WLS: variants seen among roughly 807,000 people sequenced by gnomAD.
WLS encodes protein wntless homolog.
A neutral mutation model predicts 62.8 loss-of-function variants in WLS; 23 were observed. The observed-to-expected ratio is 0.37, with a 90% CI of 0.26 to 0.52. The LOEUF (loss-of-function observed/expected upper bound fraction) is 0.52. Ranked by LOEUF, WLS falls within the 20% of genes least tolerant of loss-of-function variation. The pLI, the probability that WLS is intolerant of heterozygous loss-of-function variation, is 0.92. For synonymous variants in WLS, 246 were observed against 244.1 expected (o/e 1.01, Z -0.07); for missense variants, 615 against 697.3 (o/e 0.88, Z 1.33).
At chr1:68,129,850 G>A (rs1325638784) in intron 11 of WLS, among the ~76,000 whole-genome samples, 12 of 152,200 alleles carry the variant, frequency 7.9e-5, no homozygotes, top group African/African-American at 2.9e-4. Flanking sequence ...TGTGATATGT[G>A]TCTTGGGGTG....
At chr1:68,202,626 C>T (rs1248146437) in intron 1 of WLS, 2 of 152,192 alleles carry the variant, frequency 1.3e-5, no homozygotes, top group African/African-American at 2.4e-5. Context: ...GCTCATTGCT[C>T]GGCTGGCCAG....
At chr1:68,174,922 G>A (rs1218792729) in intron 2 of WLS, among the ~76,000 whole-genome samples, 2 of 152,166 alleles carry the variant, frequency 1.3e-5, no homozygotes, top group African/African-American at 4.8e-5. Context: ...AGTAAGATAA[G>A]GGCTGTGTTA....
chr1:68,189,450 C>T (rs1338194424), intron 2 of WLS, among the ~76,000 whole-genome samples: 1 of 151,882 alleles, frequency 6.6e-6, no homozygotes, highest in Non-Finnish European at 1.5e-5. Flanking sequence ...TTTACTGCAC[C>T]TAATTTATAA....
chr1:68,224,433 A>G (rs190992391), intron 1 of WLS, among the ~76,000 whole-genome samples: 4 of 151,932 alleles, frequency 2.6e-5, no homozygotes, highest in African/African-American at 7.2e-5. Context: ...TCCTCATTAC[A>G]CTCCCATTTC....
chr1:68,199,471 G>A lies in WLS; in HGVS notation c.107-5244C>T, dbSNP rs1000365411. Among the ~76,000 whole-genome samples the A allele has an allele frequency of 6.6e-5, 10 of 152,276 alleles. 2 individuals are homozygous for A. The highest frequency in any genetic ancestry group is 3.9e-4 in the Admixed American group (6 of 15,296). On this transcript the variant is annotated intron_variant, in intron 1 of 11. Coordinates refer to ENST00000262348, the MANE Select transcript of WLS (RefSeq NM_024911.7). ...GGGAGAATGGGGGATGGCCAAGGAG[G>A]GAAGGTGCTGAGGTAGAGATAGAAC...
At chr1:68,193,565 AAAAAT>A (rs2100604240) in intron 2 of WLS, among the ~76,000 whole-genome samples, 1 of 152,168 alleles carries the variant, frequency 6.6e-6, no homozygotes, top group East Asian at 1.9e-4. Flanking sequence ...ACATTTAAAA[AAAAAT>A]AAAAACCTTT....
intron 1 of WLS, among the ~76,000 whole-genome samples, chr1:68,229,038 A>G (rs997875745): frequency 7.4e-5 from 11 of 148,356 alleles, no homozygotes; most frequent in East Asian, 4.6e-4. Flanking sequence ...CTACAACGAA[A>G]CAACAGCCTA....
At chr1:68,132,952 G>T (rs1277437091) in intron 11 of WLS, among the ~76,000 whole-genome samples, 2 of 152,098 alleles carry the variant, frequency 1.3e-5, no homozygotes, top group Non-Finnish European at 2.9e-5. Context: ...ATTCACTTTA[G>T]CCTGCTGCAA....
intron 11 of WLS, among the ~76,000 whole-genome samples, chr1:68,128,048 T>C (rs1007364751): frequency 5.9e-5 from 9 of 152,200 alleles, no homozygotes; most frequent in East Asian, 1.9e-4. Flanking sequence ...AGCAGACTCA[T>C]TGGCTGCTGC....
intron 2 of WLS, chr1:68,162,136 G>C: frequency 6.6e-7 from 1 of 1,504,416 alleles, no homozygotes; most frequent in South Asian, 1.1e-5. Flanking sequence ...AGTGTGAGGA[G>C]TGCAGATAAG....
chr1:68,166,826 T>A lies in WLS; in HGVS notation c.380-7579A>T, dbSNP rs117950398. ...GTGCAATCTGAAGCAGAGGTGTTAT[T>A]CCTGTTTATGAGGTGAAGACGCCAT... On this transcript the variant is annotated intron_variant, in intron 2 of 11. Transcript: ENST00000262348. 5.6e-4 allele frequency among the ~76,000 whole-genome samples: 86 copies of A among 152,300 alleles called. No individual in the cohort carries two copies. In the East Asian group the frequency reaches 0.016, roughly 29 times the overall value.
chr1:68,192,216 A>T (rs12045734), intron 2 of WLS, among the ~76,000 whole-genome samples: 6,779 of 152,330 alleles, frequency 0.045, 189 homozygotes, highest in Middle Eastern at 0.11. Flanking sequence ...CAATCTATTT[A>T]TTTCAGGTAA....
At chr1:68,190,384 T>C (rs1176952884) in intron 2 of WLS, among the ~76,000 whole-genome samples, 2 of 152,242 alleles carry the variant, frequency 1.3e-5, no homozygotes, top group African/African-American at 4.8e-5. Flanking sequence ...TGCTCTTCTG[T>C]AATCACCTCC....
chr1:68,118,767 T>A (rs1321517284), intron 11 of WLS, among the ~76,000 whole-genome samples: 3 of 150,154 alleles, frequency 2.0e-5, no homozygotes, highest in Admixed American at 1.3e-4. Flanking sequence ...CCCAGGCTAC[T>A]CAGGAGGCTA....
intron 11 of WLS, among the ~76,000 whole-genome samples, chr1:68,111,443 T>G (rs946127311): frequency 6.6e-6 from 1 of 152,202 alleles, no homozygotes; most frequent in Non-Finnish European, 1.5e-5. Flanking sequence ...CTGTCTTTTC[T>G]GTAGAGAGAA....
At chr1:68,192,767 TTAA>T (rs142762590) in intron 2 of WLS, among the ~76,000 whole-genome samples, 69,035 of 107,626 alleles carry the variant, frequency 0.64, 22,976 homozygotes, top group Non-Finnish European at 0.73. Context: ...ACTCTGTCTC[TTAA>T]AAAAAAAAAA....
At position 68,173,411 on chromosome 1, in the gene WLS, CCTCT is replaced by C. The variant is rs3053543; in HGVS notation, c.380-14168_380-14165del. 4.0e-3 allele frequency among the ~76,000 whole-genome samples: 599 copies of C among 149,924 alleles called. 1 individual carries two copies. The highest frequency in any genetic ancestry group is 0.013 in the African/African-American group (538 of 40,862). On this transcript the variant is annotated intron_variant, in intron 2 of 11. Coordinates refer to ENST00000262348, the MANE Select transcript of WLS (RefSeq NM_024911.7). Reference sequence around the variant, plus strand: ...CGTTGTGAAAATCTACCTGCGTGCCCCTCTCTCTCTCTCTCTCTCTCTGAATGCA... The same window carrying C: ...CGTTGTGAAAATCTACCTGCGTGCCCCTCTCTCTCTCTCTCTCTGAATGCA...
rs1208455776 is a variant in WLS at position 68,150,326 on chromosome 1, G to A, written c.834C>T (p.Thr278=). ...KVIFALGISM[T]FINIPVEWFS... Reference sequence around the variant, plus strand: ...ACCATTCCACTGGGATATTGATAAAGGTCATGGAAATCCCAAGGGCAAAGA... The same window carrying A: ...ACCATTCCACTGGGATATTGATAAAAGTCATGGAAATCCCAAGGGCAAAGA... The change falls in exon 6 of 12, where the codon ACC becomes ACT. Residue 278 remains threonine (T), a synonymous_variant. Coordinates refer to ENST00000262348, the MANE Select transcript of WLS (RefSeq NM_024911.7). 6.2e-7 allele frequency: 1 copy of A among 1,614,190 alleles called. No individual in the cohort carries two copies. The highest frequency in any genetic ancestry group is 1.7e-5 in the Admixed American group (1 of 60,022).
chr1:68,176,381 A>G (rs34827621), intron 2 of WLS: 19,328 of 152,026 alleles, frequency 0.13, 1,296 homozygotes, highest in Middle Eastern at 0.17. Context: ...TCCCATTAAA[A>G]GGTTCACAGA....
Sources: allele counts gnomAD v4.1 joint callset (sites outside exome capture counted in the v4.1 genomes callset), GRCh38; gene constraint gnomAD v4.1.1; transcripts MANE v1.5; gene names NCBI Gene and HGNC (gene_info 2026-07-23, HGNC 2026-07-21).